Variants in OR51B5 observed in about 807,000 individuals in gnomAD.
OR51B5 encodes the protein olfactory receptor 51B5.
For missense variants in OR51B5, 456 were observed against 374.6 expected, an observed-to-expected ratio of 1.22 and a Z score of -1.79; for synonymous variants, 186 against 144.8, an observed-to-expected ratio of 1.28 and a Z score of -2.04.
chr11:5,436,448 G>A (rs2133772392), intron 1 of OR51B5, among the ~76,000 whole-genome samples: 1 of 152,242 alleles, frequency 6.6e-6, no homozygotes, highest in African/African-American at 2.4e-5. Flanking sequence ...TTCCAGACTC[G>A]CAAGGTGTCT....
At chr11:5,371,110 C>G (rs1489378146) in intron 1 of OR51B5, among the ~76,000 whole-genome samples, 1 of 152,166 alleles carries the variant, frequency 6.6e-6, no homozygotes, top group Non-Finnish European at 1.5e-5. Flanking sequence ...TAGCTATGGA[C>G]CACCATGGAT....
At chr11:5,442,537 G>A (rs972419502) in intron 1 of OR51B5, among the ~76,000 whole-genome samples, 1 of 152,008 alleles carries the variant, frequency 6.6e-6, no homozygotes, top group Non-Finnish European at 1.5e-5. Flanking sequence ...TCATAAAGAT[G>A]CGATAACATT....
chr11:5,364,800 C>T (rs1178854558), intron 1 of OR51B5, among the ~76,000 whole-genome samples: 1 of 152,186 alleles, frequency 6.6e-6, no homozygotes, highest in Non-Finnish European at 1.5e-5. Flanking sequence ...AGCATGTGTT[C>T]TGGATATGCT....
At chr11:5,483,338 C>T (rs1851452425) in intron 1 of OR51B5, among the ~76,000 whole-genome samples, 1 of 115,080 alleles carries the variant, frequency 8.7e-6, no homozygotes, top group Non-Finnish European at 1.7e-5. Context: ...AGGGGAATAT[C>T]ACACTCTGGG....
At position 5,389,541 on chromosome 11, in the gene OR51B5, T is replaced by A. The variant is rs186800052; in HGVS notation, n.85-42631A>T. The stretch of plus-strand genomic sequence containing the variant: ...TTCATCCCCTTTTTCTTTATGTACA[T>A]GGTTGCCATCTCAGGCAATTGTTTC... On this transcript the variant is annotated intron_variant and non_coding_transcript_variant, in intron 1 of 4. Coordinates refer to the OR51B5 transcript ENST00000415970. 49 of 1,613,962 alleles carry A rather than the reference T, an allele frequency of 3.0e-5. No homozygotes were observed. The African/African-American group carries it at 5.1e-4, about 17-fold the overall frequency.
chr11:5,440,919 A>T, intron 1 of OR51B5: 1 of 1,613,916 alleles, frequency 6.2e-7, no homozygotes, highest in Non-Finnish European at 8.5e-7. Flanking sequence ...GAGCCCATAA[A>T]TGTTGTTAAC....
intron 1 of OR51B5, chr11:5,456,130 A>C (rs1364871730): frequency 6.6e-6 from 1 of 152,162 alleles, no homozygotes; most frequent in Non-Finnish European, 1.5e-5. Flanking sequence ...ATGAAAGTAA[A>C]CTCTCACTGA....
At chr11:5,398,131 A>T (rs1467954781) in intron 1 of OR51B5, among the ~76,000 whole-genome samples, 1 of 152,198 alleles carries the variant, frequency 6.6e-6, no homozygotes, top group Non-Finnish European at 1.5e-5. Flanking sequence ...CAGCACACCA[A>T]CATGGCACAT....
chr11:5,429,533 A>G (rs1850504269), intron 1 of OR51B5, among the ~76,000 whole-genome samples: 1 of 152,154 alleles, frequency 6.6e-6, no homozygotes, highest in Non-Finnish European at 1.5e-5. Flanking sequence ...AGTTCCATAA[A>G]TTCACTTTAT....
intron 1 of OR51B5, among the ~76,000 whole-genome samples, chr11:5,486,243 TTC>T (rs1295982485): frequency 1.4e-5 from 2 of 146,038 alleles, no homozygotes; most frequent in Non-Finnish European, 3.0e-5. Context: ...CTCTTTTTCT[TTC>T]TGTTTTATTT....
At chr11:5,457,061 T>C (rs771456882) in intron 1 of OR51B5, among the ~76,000 whole-genome samples, 3 of 152,192 alleles carry the variant, frequency 2.0e-5, no homozygotes, top group Non-Finnish European at 4.4e-5. Flanking sequence ...CATTATTTCT[T>C]TACAGCAATG....
At chr11:5,377,370 A>C (rs1396520997) in intron 1 of OR51B5, among the ~76,000 whole-genome samples, 1 of 152,174 alleles carries the variant, frequency 6.6e-6, no homozygotes, top group Non-Finnish European at 1.5e-5. Context: ...AATGGGCAAA[A>C]ACTGGAAGCA....
intron 1 of OR51B5, among the ~76,000 whole-genome samples, chr11:5,461,719 C>T (rs1394238440): frequency 6.6e-6 from 1 of 152,208 alleles, no homozygotes; most frequent in Non-Finnish European, 1.5e-5. Context: ...ATTGTGGGTT[C>T]TCCTGCAGGT....
chr11:5,364,603 G>C (rs921161301), intron 1 of OR51B5, among the ~76,000 whole-genome samples: 2 of 82,024 alleles, frequency 2.4e-5, no homozygotes, highest in Non-Finnish European at 5.4e-5. Context: ...AAGCGTGAGA[G>C]GTATTTATGT....
intron 1 of OR51B5, among the ~76,000 whole-genome samples, chr11:5,368,365 G>C (rs1849403948): frequency 6.6e-6 from 1 of 152,136 alleles, no homozygotes; most frequent in Non-Finnish European, 1.5e-5. Context: ...GATACCAATA[G>C]TACCCACATG....
chr11:5,465,860 A>G, intron 1 of OR51B5, among the ~76,000 whole-genome samples: 2 of 151,088 alleles, frequency 1.3e-5, no homozygotes, highest in Non-Finnish European at 2.9e-5. Context: ...AAACCCTAGA[A>G]GAAAACCTAG....
chr11:5,452,519 A>G (rs1230962959), intron 1 of OR51B5, among the ~76,000 whole-genome samples: 14 of 39,404 alleles, frequency 3.6e-4, no homozygotes, highest in African/African-American at 1.2e-3. Flanking sequence ...AAAAAAAAAA[A>G]AAAAAAAAAA....
At chr11:5,474,231 G>A (rs1851271018) in intron 1 of OR51B5, among the ~76,000 whole-genome samples, 1 of 152,062 alleles carries the variant, frequency 6.6e-6, no homozygotes, top group African/African-American at 2.4e-5. Flanking sequence ...AATTCAAAGA[G>A]ATTACACAAC....
chr11:5,465,614 A>C (rs905239515), intron 1 of OR51B5, among the ~76,000 whole-genome samples: 37 of 145,504 alleles, frequency 2.5e-4, no homozygotes, highest in African/African-American at 9.4e-4. Context: ...ACAGAGATAT[A>C]GATCAATGGA....
Sources: gnomAD v4.1 joint callset for allele counts (sites outside exome capture counted in the v4.1 genomes callset) on GRCh38, gnomAD v4.1.1 for gene constraint, MANE v1.5 for transcripts, NCBI Gene and HGNC (gene_info 2026-07-23, HGNC 2026-07-21) for gene names.